GPHN: variants seen among roughly 807,000 people sequenced by gnomAD.
GPHN encodes the protein gephyrin.
Under a neutral mutation model 95.5 loss-of-function variants are expected in GPHN, and 17 were observed. The ratio of observed to expected loss-of-function variants is 0.18; its 90% CI spans 0.12 to 0.27. The LOEUF (loss-of-function observed/expected upper bound fraction) is 0.27. GPHN is among the 10% of genes least tolerant of loss of function. The pLI, the probability that GPHN is intolerant of heterozygous loss-of-function variation, is 1.00. For missense variants in GPHN, 660 were observed against 978.1 expected (o/e 0.67, Z 4.34); for synonymous variants, 320 against 322.5 (o/e 0.99, Z 0.08).
chr14:67,144,242 AAAAAAAAAAT>A (rs1216626530), intron 18 of GPHN, among the ~76,000 whole-genome samples: 1 of 68,078 alleles, frequency 1.5e-5, no homozygotes, highest in African/African-American at 7.9e-5. Context: ...GTCTTAAAAA[AAAAAAAAAAT>A]ATATATATAT....
In GPHN at chr14:66,693,331, A is replaced by G. The variant is rs535892737; in HGVS notation, c.143+12146A>G. 6.2e-4 allele frequency among the ~76,000 whole-genome samples: 95 copies of G among 152,276 alleles called. 3 individuals carry two copies. Among genetic ancestry groups the G allele is most frequent in the African/African-American group, 2.1e-3 (88 of 41,576 alleles). The stretch of plus-strand genomic sequence containing the variant: ...GAATATGGATATTATTTGTTTTGCT[A>G]TTTTACTCAAACTGGACAATAATGA... On this transcript the variant is annotated intron_variant, in intron 2 of 22. Transcript: ENST00000478722.
the GPHN span, among the ~76,000 whole-genome samples, chr14:67,525,466 C>T: frequency 1.3e-5 from 2 of 152,150 alleles, no homozygotes; most frequent in African/African-American, 4.8e-5. Context: ...ATCCTTTTCC[C>T]CTCTTTTATT....
the GPHN span, chr14:67,303,550 T>A: frequency 6.2e-7 from 1 of 1,613,896 alleles, no homozygotes; most frequent in South Asian, 1.1e-5. Context: ...TTGACTTTTG[T>A]CCTGATTCCC....
At chr14:66,630,947 G>T (rs1171235122) in intron 1 of GPHN, among the ~76,000 whole-genome samples, 1 of 151,792 alleles carries the variant, frequency 6.6e-6, no homozygotes, top group Non-Finnish European at 1.5e-5. Context: ...GTGTTTACAT[G>T]ATCCCCTCTT....
At chr14:66,510,544 A>G (rs1027931994) in intron 1 of GPHN, among the ~76,000 whole-genome samples, 31 of 152,266 alleles carry the variant, frequency 2.0e-4, no homozygotes, top group Admixed American at 2.6e-4. Context: ...GAAACATTGT[A>G]TGTAATTATT....
the GPHN span, among the ~76,000 whole-genome samples, chr14:67,405,054 C>T: frequency 4.6e-5 from 7 of 150,968 alleles, no homozygotes; most frequent in South Asian, 2.1e-4. Context: ...GCCAACATGG[C>T]GAAACCCCAT....
At chr14:67,174,223 GC>G (rs1567448652) in intron 21 of GPHN, among the ~76,000 whole-genome samples, 3 of 66,560 alleles carry the variant, frequency 4.5e-5, no homozygotes, top group Non-Finnish European at 6.0e-5. Flanking sequence ...TCCTCCCCCA[GC>G]CCCCCACCCC....
At chr14:66,513,094 G>T (rs760742485) in intron 1 of GPHN, among the ~76,000 whole-genome samples, 19 of 151,574 alleles carry the variant, frequency 1.3e-4, no homozygotes, top group Admixed American at 3.9e-4. Context: ...ATGTATTAGA[G>T]AATTAAATGT....
chr14:67,419,596 C>T, the GPHN span, among the ~76,000 whole-genome samples: 2 of 152,242 alleles, frequency 1.3e-5, no homozygotes, highest in African/African-American at 2.4e-5. Context: ...GGGGCGGTGG[C>T]TCACGCCTAT....
chr14:67,590,232 G>GCACCA, the GPHN span: 1 of 1,335,304 alleles, frequency 7.5e-7, no homozygotes, highest in Non-Finnish European at 1.0e-6. Context: ...GTGCAGTGGT[G>GCACCA]CTGCATCCAC....
intron 11 of GPHN, among the ~76,000 whole-genome samples, chr14:67,065,502 C>T (rs2076011168): frequency 6.6e-6 from 1 of 152,096 alleles, no homozygotes; most frequent in Admixed American, 6.5e-5. Flanking sequence ...AACCTTCTGT[C>T]TCGTTGATCT....
chr14:66,753,328 C>A (rs569293508), intron 2 of GPHN, among the ~76,000 whole-genome samples: 35 of 152,098 alleles, frequency 2.3e-4, no homozygotes, highest in African/African-American at 8.2e-4. Context: ...TACTCCCAGG[C>A]CTGGACCAGA....
the GPHN span, chr14:67,729,498 T>C: frequency 4.0e-6 from 4 of 1,001,786 alleles, no homozygotes; most frequent in South Asian, 1.3e-5. Flanking sequence ...CAGGTTTGGG[T>C]TGGGCCTGCA....
At chr14:67,573,511 G>T in the GPHN span, 1 of 696,556 alleles carries the variant, frequency 1.4e-6, no homozygotes. The surrounding 1 kb of genome is among the most constrained non-coding windows in gnomAD (Gnocchi z 4.8). Context: ...GGCAGGTGGG[G>T]AGAGGCAACC....
chr14:66,926,364 C>T (rs2066482089), intron 8 of GPHN, among the ~76,000 whole-genome samples: 1 of 152,178 alleles, frequency 6.6e-6, no homozygotes, highest in Non-Finnish European at 1.5e-5. Context: ...TTAGTGGTTT[C>T]ATAGTTTCAA....
In GPHN at chr14:66,579,985, G is replaced by A. The variant is rs12100779; in HGVS notation, c.64+71394G>A. 2.1e-3 allele frequency among the ~76,000 whole-genome samples: 315 copies of A among 151,728 alleles called. 4 individuals carry two copies. Among genetic ancestry groups the A allele is most frequent in the African/African-American group, 7.0e-3 (290 of 41,448 alleles). ...ACCACGTTAGTCTAGAAAACAAATC[G>A]TAACACATTTAAGAGGATTTAAGTG... On this transcript the variant is annotated intron_variant, in intron 1 of 22. Transcript: ENST00000478722.
the GPHN span, chr14:67,203,332 G>T: frequency 6.7e-7 from 1 of 1,493,628 alleles, no homozygotes; most frequent in Non-Finnish European, 9.1e-7. Context: ...TCTCTCAGAA[G>T]ATGTGCATTA....
the GPHN span, among the ~76,000 whole-genome samples, chr14:67,702,171 G>A: frequency 3.9e-5 from 6 of 151,962 alleles, no homozygotes; most frequent in East Asian, 5.8e-4. Flanking sequence ...ATCTCATTAT[G>A]TTGCCCAGGC....
the GPHN span, among the ~76,000 whole-genome samples, chr14:67,296,739 A>C: frequency 0.15 from 23,522 of 152,112 alleles, 3,426 homozygotes; most frequent in East Asian, 0.42. Flanking sequence ...AGAAAACCAT[A>C]TGATCTTTGT....
Sources: allele counts gnomAD v4.1 joint callset (sites outside exome capture counted in the v4.1 genomes callset), GRCh38; gene constraint gnomAD v4.1.1; non-coding constraint Gnocchi (gnomAD v3.1); transcripts MANE v1.5; gene names NCBI Gene and HGNC (gene_info 2026-07-23, HGNC 2026-07-21).